Variants in GPR158 observed in about 807,000 individuals in gnomAD.
The protein encoded by GPR158 is metabotropic glycine receptor.
Under a neutral mutation model 78.2 loss-of-function variants are expected in GPR158, and 30 were observed. The ratio of observed to expected loss-of-function variants is 0.38; its 90% CI spans 0.29 to 0.52. The LOEUF (loss-of-function observed/expected upper bound fraction) is 0.52. Ranked by LOEUF, GPR158 falls within the 20% of genes least tolerant of loss-of-function variation. The pLI is 0.83. For missense variants in GPR158, 1,463 were observed against 1,523.5 expected (o/e 0.96, Z 0.66); for synonymous variants, 581 against 591.1 (o/e 0.98, Z 0.25).
At position 25,470,621 on chromosome 10, in the gene GPR158, C is replaced by A. The variant is rs577981158; in HGVS notation, c.1404+3902C>A. Among the ~76,000 whole-genome samples, 133 of 152,190 alleles carry A rather than the reference C, an allele frequency of 8.7e-4. 2 individuals are homozygous for A. In the South Asian group the frequency reaches 0.023, roughly 27 times the overall value. On this transcript the variant is annotated intron_variant, in intron 5 of 10. Coordinates refer to ENST00000376351, the MANE Select transcript of GPR158 (RefSeq NM_020752.3). ...TCTAATTTTCTAGCATAGAGTTATG[C>A]ATAATAATTAGTAACAGAAGCAATG...
At chr10:25,315,225 A>G (rs543807343) in intron 2 of GPR158, among the ~76,000 whole-genome samples, 51 of 152,134 alleles carry the variant, frequency 3.4e-4, no homozygotes, top group Admixed American at 4.6e-4. Context: ...GTTAAAATAT[A>G]TTTTTATTAT....
At chr10:25,551,198 A>G in intron 6 of GPR158, 113 bp downstream of exon 6, 1 of 687,264 alleles carries the variant, frequency 1.5e-6, no homozygotes, top group Non-Finnish European at 2.6e-6. Context: ...GAATTTACAT[A>G]GCAAGATACT....
rs566200424 is a variant in GPR158 at position 25,498,539 on chromosome 10, C to T, written c.1404+31820C>T. 5.3e-5 allele frequency among the ~76,000 whole-genome samples: 8 copies of T among 152,318 alleles called. No individual in the cohort carries two copies. The South Asian group carries it at 1.7e-3, about 32-fold the overall frequency. ...AGGCTCTCCAGATGATTCTAATGCG[C>T]ACCCAAGTTTGAGAATCACTTCTGT... On this transcript the variant is annotated intron_variant, in intron 5 of 10. Coordinates refer to ENST00000376351, the MANE Select transcript of GPR158 (RefSeq NM_020752.3).
chr10:25,341,831 T>G (rs946821658), intron 2 of GPR158, among the ~76,000 whole-genome samples: 2 of 148,770 alleles, frequency 1.3e-5, no homozygotes, highest in African/African-American at 5.1e-5. Flanking sequence ...ATATGTATTC[T>G]GAAAAAAAAC....
At chr10:25,236,855 T>C (rs1413208771) in intron 2 of GPR158, among the ~76,000 whole-genome samples, 6 of 152,236 alleles carry the variant, frequency 3.9e-5, no homozygotes, top group Non-Finnish European at 7.3e-5. Flanking sequence ...ACTACATTTA[T>C]TGGATGCCTT....
chr10:25,324,831 C>CTTTTTTTT (rs34746907), intron 2 of GPR158, among the ~76,000 whole-genome samples: 1 of 125,390 alleles, frequency 8.0e-6, no homozygotes, highest in African/African-American at 3.1e-5. Flanking sequence ...TTTTTTCTTT[C>CTTTTTTTT]TTTTTTTTTT....
At chr10:25,339,419 T>C (rs1855272798) in intron 2 of GPR158, among the ~76,000 whole-genome samples, 1 of 152,142 alleles carries the variant, frequency 6.6e-6, no homozygotes, top group African/African-American at 2.4e-5. Context: ...TCTCTTAGGG[T>C]TTCTATTTGC....
chr10:25,230,434 C>G (rs1442264654), intron 2 of GPR158, among the ~76,000 whole-genome samples: 1 of 152,146 alleles, frequency 6.6e-6, no homozygotes, highest in African/African-American at 2.4e-5. Flanking sequence ...AATGGTATGA[C>G]AGTTTTCAGT....
chr10:25,249,212 CTG>C (rs1413537521), intron 2 of GPR158, among the ~76,000 whole-genome samples: 2 of 152,034 alleles, frequency 1.3e-5, no homozygotes, highest in African/African-American at 4.8e-5. Context: ...AGATTTTGGG[CTG>C]AGACAATGGG....
chr10:25,493,938 G>A lies in GPR158; in HGVS notation c.1404+27219G>A, dbSNP rs116054473. Among the ~76,000 whole-genome samples the A allele has an allele frequency of 1.7e-3, 264 of 152,278 alleles. 1 individual carries two copies. Among genetic ancestry groups the A allele is most frequent in the African/African-American group, 5.7e-3 (236 of 41,552 alleles). On this transcript the variant is annotated intron_variant, in intron 5 of 10. Transcript: ENST00000376351. The stretch of plus-strand genomic sequence containing the variant: ...AAGCTTTTCCTTATGGCTGCTTAGG[G>A]TGTTTAAATCAATAATAAATGACTC...
In GPR158 at chr10:25,178,448, C is replaced by T. The variant is rs1421771123; in HGVS notation, c.902+2126C>T. Among the ~76,000 whole-genome samples, 4 of 152,174 alleles carry T rather than the reference C, an allele frequency of 2.6e-5. No homozygotes were observed. The East Asian group carries it at 5.8e-4, about 22-fold the overall frequency. On this transcript the variant is annotated intron_variant, in intron 1 of 10. Coordinates refer to ENST00000376351, the MANE Select transcript of GPR158 (RefSeq NM_020752.3). ...TCTCTTAATCATATGGATCAGAAAG[C>T]ATAGGTTGCCTAAATGAACTCAGTG...
At chr10:25,335,166 A>G (rs1855179651) in intron 2 of GPR158, among the ~76,000 whole-genome samples, 1 of 152,084 alleles carries the variant, frequency 6.6e-6, no homozygotes, top group East Asian at 1.9e-4. Flanking sequence ...CAAACTTTTG[A>G]GTTAGTACTT....
At chr10:25,595,168 T>A (rs2130753076) in intron 9 of GPR158, among the ~76,000 whole-genome samples, 1 of 152,314 alleles carries the variant, frequency 6.6e-6, no homozygotes, top group African/African-American at 2.4e-5. Flanking sequence ...ACCAGAATTA[T>A]GATTTCTTGT....
At chr10:25,279,431 C>T (rs960780906) in intron 2 of GPR158, among the ~76,000 whole-genome samples, 1 of 151,892 alleles carries the variant, frequency 6.6e-6, no homozygotes, top group African/African-American at 2.4e-5. Flanking sequence ...TTTAGGTGCA[C>T]AGACCGAGTC....
chr10:25,541,741 G>A (rs879575879), intron 5 of GPR158, among the ~76,000 whole-genome samples: 1 of 151,702 alleles, frequency 6.6e-6, no homozygotes, highest in Non-Finnish European at 1.5e-5. Context: ...AAGCAAACCT[G>A]GAGAGGTTAC....
chr10:25,360,349 G>A (rs1283041772), intron 2 of GPR158, among the ~76,000 whole-genome samples: 1 of 151,672 alleles, frequency 6.6e-6, no homozygotes, highest in East Asian at 1.9e-4. Flanking sequence ...GAATGGTATT[G>A]CCTAGGTTTT....
chr10:25,423,435 T>C (rs556130873), intron 4 of GPR158, among the ~76,000 whole-genome samples: 2 of 151,880 alleles, frequency 1.3e-5, no homozygotes, highest in Non-Finnish European at 2.9e-5. Context: ...ATGTGCACAA[T>C]GTGCAGGTTT....
chr10:25,306,532 A>G (rs942612350), intron 2 of GPR158, among the ~76,000 whole-genome samples: 6 of 152,214 alleles, frequency 3.9e-5, no homozygotes, highest in Non-Finnish European at 8.8e-5. Flanking sequence ...GTCTTTTACT[A>G]CCTTTTCACA....
At chr10:25,303,192 G>A (rs951352510) in intron 2 of GPR158, among the ~76,000 whole-genome samples, 6 of 152,180 alleles carry the variant, frequency 3.9e-5, no homozygotes, top group Non-Finnish European at 8.8e-5. Context: ...GCCACGTGTA[G>A]CTATATAAAT....
Sources: gnomAD v4.1 joint callset for allele counts (sites outside exome capture counted in the v4.1 genomes callset) on GRCh38, gnomAD v4.1.1 for gene constraint, MANE v1.5 for transcripts, NCBI Gene and HGNC (gene_info 2026-07-23, HGNC 2026-07-21) for gene names.